The following FAM149A variants were observed in gnomAD, a reference collection of about 807,000 sequenced individuals.
The protein encoded by FAM149A is protein FAM149A.
FAM149A carries 71 observed loss-of-function variants against 78.2 expected under a neutral mutation model. The ratio of observed to expected loss-of-function variants is 0.91; its 90% CI spans 0.75 to 1.11. The LOEUF (loss-of-function observed/expected upper bound fraction) is 1.11, where lower values mean the gene tolerates loss of function less well. FAM149A is among the 50% of genes least tolerant of loss of function. The pLI is 0.00. For missense variants in FAM149A, 1,036 were observed against 971.0 expected (o/e 1.07, Z -0.89); for synonymous variants, 446 against 410.5 (o/e 1.09, Z -1.04).
At position 186,117,102 on chromosome 4, in the gene FAM149A, AGGATT is replaced by A. The variant is rs547416563; in HGVS notation, c.566+11461_566+11465del. Among the ~76,000 whole-genome samples, 6 of 3,796 alleles carry A rather than the reference AGGATT, an allele frequency of 1.6e-3. No homozygotes were observed. The East Asian group carries it at 0.5, about 316-fold the overall frequency. The allele number at this position is 3,796 out of a possible 152,430, so 2.5% of individuals were successfully genotyped here. A position where few individuals can be genotyped will look rare whatever the true frequency, so the allele number is the denominator to read the frequency against. On this transcript the variant is annotated intron_variant, in intron 1 of 13. Coordinates refer to ENST00000389354, the MANE Select transcript of FAM149A (RefSeq NM_001367768.3). ...AATGCCTATTCAAAGAGACATTGTA[AGGATT>A]AAGAGATCATCTATACAAACTTGTC...
intron 1 of FAM149A, among the ~76,000 whole-genome samples, chr4:186,135,958 G>A (rs532602851): frequency 6.6e-5 from 10 of 152,334 alleles, no homozygotes; most frequent in South Asian, 2.1e-4. Flanking sequence ...GGCACCACGC[G>A]TGTGGAGTTG....
intron 2 of FAM149A, 136 bp downstream of exon 2, chr4:186,149,419 G>A: frequency 9.1e-7 from 1 of 1,101,590 alleles, no homozygotes; most frequent in Non-Finnish European, 1.2e-6. Context: ...ACATCACACT[G>A]TAAAAATATT....
intron 1 of FAM149A, chr4:186,125,852 G>A (rs1406757228): frequency 2.0e-6 from 2 of 985,300 alleles, no homozygotes; most frequent in Non-Finnish European, 2.4e-6. Flanking sequence ...ATGAGATGTT[G>A]AAGAAGCAAC....
intron 1 of FAM149A, among the ~76,000 whole-genome samples, chr4:186,128,714 A>C (rs1246683559): frequency 6.6e-6 from 1 of 152,162 alleles, no homozygotes; most frequent in Non-Finnish European, 1.5e-5. Flanking sequence ...TATTTAATGT[A>C]CTTCAGTTGT....
chr4:186,124,899 A>G (rs936560487), intron 1 of FAM149A, among the ~76,000 whole-genome samples: 14 of 151,956 alleles, frequency 9.2e-5, no homozygotes, highest in South Asian at 2.1e-4. Flanking sequence ...AAGTGTTCCT[A>G]TTTCTCCACA....
intron 1 of FAM149A, chr4:186,127,126 G>A (rs1035797403): frequency 1.1e-5 from 11 of 985,232 alleles, no homozygotes; most frequent in African/African-American, 1.7e-5. Flanking sequence ...AGAAGGTGCT[G>A]GAGCTGACTG....
chr4:186,153,266 T>C (rs1579890827), intron 4 of FAM149A: 2 of 977,508 alleles, frequency 2.0e-6, no homozygotes, highest in East Asian at 2.3e-4. Context: ...TCTTGTTATG[T>C]TTGTGTTTAA....
In FAM149A at chr4:186,165,413, C is replaced by G. The variant is rs759311687; in HGVS notation, c.1959C>G (p.Val653=). Residue 653 remains valine, a synonymous_variant, in exon 11 of 14, where the codon GTC becomes GTG. Transcript: ENST00000389354. ...CACGGAGCAGGTTCCCCCCGCTAGT[C>G]ACGGAGACCAGGGGGCAGAATACAG... 1 of 1,614,044 alleles carries G rather than the reference C, an allele frequency of 6.2e-7. No homozygotes were observed. The highest frequency in any genetic ancestry group is 8.5e-7 in the Non-Finnish European group (1 of 1,180,004).
intron 1 of FAM149A, among the ~76,000 whole-genome samples, chr4:186,138,800 G>A (rs746755116): frequency 3.3e-5 from 5 of 152,098 alleles, no homozygotes; most frequent in South Asian, 2.1e-4. Context: ...GACACATCAC[G>A]GATGGTGCCA....
At chr4:186,158,205 C>T in intron 8 of FAM149A, 1 of 1,279,162 alleles carries the variant, frequency 7.8e-7, no homozygotes, top group Non-Finnish European at 1.0e-6. Context: ...GGCCGCTTCT[C>T]TCCTGGAACC....
At chr4:186,134,268 A>G (rs1384175119) in intron 1 of FAM149A, among the ~76,000 whole-genome samples, 1 of 152,230 alleles carries the variant, frequency 6.6e-6, no homozygotes, top group Non-Finnish European at 1.5e-5. Context: ...TCCCAGCCTC[A>G]GAGATTAAAC....
chr4:186,163,591 C>G lies in FAM149A; in HGVS notation c.1847C>G (p.Thr616Ser). ...GCTTCAGATTCACAGAGACTAAAAA[C>G]TCCCAACATCTATAGTGACGAAGTT... Residue 616 changes from threonine to serine, a missense_variant, in exon 10 of 14, where the codon ACT (threonine) becomes AGT (serine). Coordinates refer to ENST00000389354, the MANE Select transcript of FAM149A (RefSeq NM_001367768.3). 3 of 1,614,194 alleles carry G rather than the reference C, an allele frequency of 1.9e-6. No homozygotes were observed. Among genetic ancestry groups the G allele is most frequent in the Non-Finnish European group, 2.5e-6 (3 of 1,180,022 alleles).
intron 1 of FAM149A, among the ~76,000 whole-genome samples, chr4:186,120,515 C>A (rs948486249): frequency 1.3e-5 from 2 of 151,860 alleles, no homozygotes; most frequent in Admixed American, 1.3e-4. Context: ...TTAGTAAGAC[C>A]GGGCGCGGTG....
intron 1 of FAM149A, chr4:186,123,203 G>A: frequency 1.0e-6 from 1 of 985,104 alleles, no homozygotes; most frequent in Non-Finnish European, 1.2e-6. Context: ...ACATTACTGA[G>A]TTTTCAAAGG....
In FAM149A at chr4:186,105,403, G is replaced by A. The variant is rs1554066188; in HGVS notation, c.327G>A (p.Gln109=). Residue 109 remains glutamine, a synonymous_variant, in exon 1 of 14, where the codon CAG becomes CAA. Coordinates refer to ENST00000389354, the MANE Select transcript of FAM149A (RefSeq NM_001367768.3). ...CTAGAGCGGGTAAAGCCCCGCCCCA[G>A]CCCCCCACTCCCTCCGGCGGGGGCT... 2.5e-6 allele frequency: 3 copies of A among 1,183,422 alleles called. No homozygotes were observed. The highest frequency in any genetic ancestry group is 2.1e-6 in the Non-Finnish European group (2 of 944,546). 73.3% of individuals were successfully genotyped at this position (1,183,422 alleles called of 1,614,324 possible).
intron 1 of FAM149A, among the ~76,000 whole-genome samples, chr4:186,136,464 ATAAT>A (rs563765575): frequency 1.3e-3 from 200 of 152,304 alleles, no homozygotes; most frequent in Admixed American, 2.3e-3. Flanking sequence ...ATTCTGCCTA[ATAAT>A]TACTCTCCGT....
intron 7 of FAM149A, 71 bp downstream of exon 7, chr4:186,156,261 C>T: frequency 7.7e-7 from 1 of 1,290,590 alleles, no homozygotes; most frequent in South Asian, 1.4e-5. Context: ...CTCCTGCTCC[C>T]CAGCTTGGCC....
chr4:186,164,388 A>C lies in FAM149A; in HGVS notation c.1889+755A>C. The C allele has an allele frequency of 2.3e-6, 2 of 852,112 alleles. No homozygotes were observed. The highest frequency in any genetic ancestry group is 2.8e-6 in the Non-Finnish European group (2 of 708,346). The allele number at this position is 852,112 out of a possible 1,614,324, so 52.8% of individuals were successfully genotyped here. On this transcript the variant is annotated intron_variant, in intron 10 of 13. Transcript: ENST00000389354. This position sits in a 1 kb window ranked among gnomAD's most constrained non-coding sequence, Gnocchi z 4.0. ...ACACCCACAAGTGCTCTCAGGCTTT[A>C]GAGACCACCCACTGGACCCCCGGCC... is the stretch of plus-strand genomic sequence containing the variant.
Position 186,172,047 on chromosome 4 carries a change from A to G in FAM149A, c.*60A>G. ...CCTCGGCACACTGCTTATCACTTGA[A>G]AAATGGAGGAACAAGTGTTATATTT... On this transcript the variant is annotated 3_prime_UTR_variant, in exon 14 of 14. Transcript: ENST00000389354. 1.3e-6 allele frequency: 2 copies of G among 1,580,844 alleles called. No homozygotes were observed. Among genetic ancestry groups the G allele is most frequent in the Non-Finnish European group, 1.7e-6 (2 of 1,167,654 alleles).
Sources: allele counts gnomAD v4.1 joint callset (sites outside exome capture counted in the v4.1 genomes callset), GRCh38; gene constraint gnomAD v4.1.1; non-coding constraint Gnocchi (gnomAD v3.1); transcripts MANE v1.5; gene names NCBI Gene and HGNC (gene_info 2026-07-23, HGNC 2026-07-21).